Variants in MARCHF1 observed in about 807,000 individuals in gnomAD.
MARCHF1 encodes E3 ubiquitin-protein ligase MARCHF1.
In MARCHF1, 40 loss-of-function variants were observed where a neutral mutation model predicts 54.2. The ratio of observed to expected loss-of-function variants is 0.74; its 90% CI spans 0.57 to 0.96. The LOEUF is 0.96. Among genes scored for constraint, MARCHF1 ranks in the 40% least tolerant of loss-of-function variants. The pLI, the probability that MARCHF1 is intolerant of heterozygous loss-of-function variation, is 0.00. For missense variants in MARCHF1, 586 were observed against 656.5 expected (o/e 0.89, Z 1.17); for synonymous variants, 236 against 236.3 (o/e 1.00, Z 0.01).
intron 1 of MARCHF1, among the ~76,000 whole-genome samples, chr4:164,373,352 CTTTTTT>C (rs5863683): frequency 3.8e-4 from 35 of 91,616 alleles, no homozygotes; most frequent in South Asian, 4.4e-4. Flanking sequence ...TGAAAAACTA[CTTTTTT>C]TTTTTTTTTT....
At chr4:164,147,471 C>A (rs1276239090) in intron 1 of MARCHF1, among the ~76,000 whole-genome samples, 4 of 114,934 alleles carry the variant, frequency 3.5e-5, no homozygotes, top group African/African-American at 8.0e-5. Flanking sequence ...GGCAGATATA[C>A]ACCATGGAAT....
chr4:163,930,914 T>A (rs1024575764), intron 3 of MARCHF1, among the ~76,000 whole-genome samples: 26 of 152,110 alleles, frequency 1.7e-4, no homozygotes, highest in African/African-American at 6.0e-4. Context: ...TGCAGAATGC[T>A]GTGAATTAAA....
chr4:163,696,090 G>A (rs7687553), intron 5 of MARCHF1, among the ~76,000 whole-genome samples: 71,682 of 151,624 alleles, frequency 0.47, 17,421 homozygotes, highest in Non-Finnish European at 0.51. Flanking sequence ...AATTAAAAAA[G>A]AAGAGAAAGA....
chr4:163,574,922 C>T (rs1228984567), intron 8 of MARCHF1, among the ~76,000 whole-genome samples: 1 of 151,760 alleles, frequency 6.6e-6, no homozygotes, highest in Non-Finnish European at 1.5e-5. Context: ...GCCATTTTCA[C>T]AATATTGATT....
At chr4:164,176,970 C>CCCTA (rs3059788) in intron 1 of MARCHF1, among the ~76,000 whole-genome samples, 5 of 57,440 alleles carry the variant, frequency 8.7e-5, no homozygotes, top group Non-Finnish European at 1.6e-4. Flanking sequence ...CTCTCTCTCT[C>CCCTA]TCTCTCTCTC....
intron 5 of MARCHF1, among the ~76,000 whole-genome samples, chr4:163,636,362 A>G (rs1293840825): frequency 3.5e-5 from 5 of 142,380 alleles, no homozygotes; most frequent in African/African-American, 1.3e-4. Context: ...TCTCAGCCCA[A>G]AGTCTCCTTA....
At chr4:164,051,446 C>T (rs1020834915) in intron 2 of MARCHF1, among the ~76,000 whole-genome samples, 1 of 152,160 alleles carries the variant, frequency 6.6e-6, no homozygotes, top group African/African-American at 2.4e-5. Flanking sequence ...AGCAAATAAA[C>T]CAAAATAGCA....
intron 3 of MARCHF1, among the ~76,000 whole-genome samples, chr4:163,937,950 T>C (rs1271313545): frequency 6.6e-6 from 1 of 152,114 alleles, no homozygotes; most frequent in East Asian, 1.9e-4. Context: ...ATATCTTGGC[T>C]CTAGGGCACA....
At chr4:163,589,874 A>G (rs1694565451) in intron 7 of MARCHF1, among the ~76,000 whole-genome samples, 1 of 152,084 alleles carries the variant, frequency 6.6e-6, no homozygotes, top group African/African-American at 2.4e-5. Flanking sequence ...ACAGCTACAT[A>G]CAAGCTGAAT....
intron 1 of MARCHF1, among the ~76,000 whole-genome samples, chr4:164,132,904 A>G (rs1756331145): frequency 6.6e-6 from 1 of 152,088 alleles, no homozygotes; most frequent in South Asian, 2.1e-4. Context: ...TTTACATAGT[A>G]TTTTATTTTC....
intron 3 of MARCHF1, among the ~76,000 whole-genome samples, chr4:163,948,647 G>C (rs148989663): frequency 7.6e-4 from 116 of 152,158 alleles, no homozygotes; most frequent in African/African-American, 2.3e-3. Flanking sequence ...AAATACAGGA[G>C]AGGAGAGAAG....
chr4:164,335,581 C>CA (rs34889741), intron 1 of MARCHF1, among the ~76,000 whole-genome samples: 233 of 121,642 alleles, frequency 1.9e-3, no homozygotes, highest in African/African-American at 2.5e-3. Flanking sequence ...GACTCCATCT[C>CA]AAAAAAAAAA....
chr4:164,254,439 T>A (rs1360580569), intron 1 of MARCHF1, among the ~76,000 whole-genome samples: 3 of 150,384 alleles, frequency 2.0e-5, no homozygotes, highest in African/African-American at 7.4e-5. Context: ...TATCAATATA[T>A]AAGGTTAATA....
chr4:163,528,426 A>G lies in MARCHF1; in HGVS notation c.*322T>C. ...AACTTTTCCCCTGTTACTGTGAAGA[A>G]GAGTATCATGGGTCCATTTAATCTT... On this transcript the variant is annotated 3_prime_UTR_variant, in exon 10 of 10. Transcript: ENST00000514618. 3.9e-6 allele frequency: 1 copy of G among 255,518 alleles called. No homozygotes were observed. The highest frequency in any genetic ancestry group is 7.5e-6 in the Non-Finnish European group (1 of 133,538). The allele number at this position is 255,518 out of a possible 1,614,324, so 15.8% of individuals were successfully genotyped here. A position where few individuals can be genotyped will look rare whatever the true frequency, so the allele number is the denominator to read the frequency against.
chr4:163,570,747 C>T (rs973840230), intron 8 of MARCHF1, among the ~76,000 whole-genome samples: 16 of 152,142 alleles, frequency 1.1e-4, no homozygotes, highest in South Asian at 2.1e-4. Context: ...ATTAAATCTG[C>T]GATTTTCACT....
intron 3 of MARCHF1, among the ~76,000 whole-genome samples, chr4:163,929,989 T>TA (rs1751632767): frequency 7.6e-6 from 1 of 130,970 alleles, no homozygotes; most frequent in African/African-American, 2.8e-5. Flanking sequence ...ATAATATATA[T>TA]ATAATATATT....
chr4:163,602,628 A>G (rs1056341345), intron 7 of MARCHF1, among the ~76,000 whole-genome samples: 2 of 152,146 alleles, frequency 1.3e-5, no homozygotes, highest in Non-Finnish European at 2.9e-5. Context: ...AGACTTAGCA[A>G]AACAAAGGCA....
At chr4:163,603,776 T>C (rs1462433975) in intron 7 of MARCHF1, among the ~76,000 whole-genome samples, 1 of 152,082 alleles carries the variant, frequency 6.6e-6, no homozygotes, top group Non-Finnish European at 1.5e-5. Context: ...AAAAAAGTCA[T>C]ACCTATTTTC....
chr4:164,168,197 A>G (rs1438745295), intron 1 of MARCHF1, among the ~76,000 whole-genome samples: 2 of 151,996 alleles, frequency 1.3e-5, no homozygotes, highest in Admixed American at 1.3e-4. Flanking sequence ...ATAACCAAGG[A>G]AATACAAGTT....
Sources: gnomAD v4.1 joint callset for allele counts (sites outside exome capture counted in the v4.1 genomes callset) on GRCh38, gnomAD v4.1.1 for gene constraint, MANE v1.5 for transcripts, NCBI Gene and HGNC (gene_info 2026-07-23, HGNC 2026-07-21) for gene names.